KSR2: variants seen among roughly 807,000 people sequenced by gnomAD.
KSR2 encodes kinase suppressor of ras 2.
A neutral mutation model predicts 107.8 loss-of-function variants in KSR2; 25 were observed. That is an observed-to-expected ratio of 0.23 (90% CI 0.17 to 0.32). The LOEUF (loss-of-function observed/expected upper bound fraction) is 0.32, where lower values mean the gene tolerates loss of function less well. KSR2 is among the 10% of genes least tolerant of loss of function. KSR2 has a pLI of 1.00. For synonymous variants in KSR2, 480 were observed against 507.0 expected, an observed-to-expected ratio of 0.95 and a Z score of 0.71; for missense variants, 887 against 1,268.9, an observed-to-expected ratio of 0.70 and a Z score of 4.57.
intron 4 of KSR2, among the ~76,000 whole-genome samples, chr12:117,731,574 G>C (rs901487937): frequency 2.6e-5 from 4 of 152,228 alleles, no homozygotes; most frequent in Non-Finnish European, 5.9e-5. Flanking sequence ...TGATAACGAT[G>C]GCGGTTTTGT....
chr12:117,515,000 C>T (rs1316599084), intron 14 of KSR2, among the ~76,000 whole-genome samples: 1 of 152,148 alleles, frequency 6.6e-6, no homozygotes, highest in East Asian at 1.9e-4. Flanking sequence ...GTCCATCTGC[C>T]TAATTACTTG....
chr12:117,472,756 A>T (rs1221366671), intron 17 of KSR2, among the ~76,000 whole-genome samples: 1 of 152,216 alleles, frequency 6.6e-6, no homozygotes, highest in Non-Finnish European at 1.5e-5. Context: ...GATTATAGTT[A>T]TCATAAGAAA....
intron 14 of KSR2, among the ~76,000 whole-genome samples, chr12:117,506,816 T>C (rs1341363505): frequency 2.6e-5 from 4 of 152,100 alleles, no homozygotes; most frequent in East Asian, 1.9e-4. Flanking sequence ...AGTAGATCAA[T>C]AGATAGATAG....
At chr12:117,932,420 C>G (rs1404136468) in intron 1 of KSR2, among the ~76,000 whole-genome samples, 2 of 151,832 alleles carry the variant, frequency 1.3e-5, no homozygotes, top group African/African-American at 4.8e-5. Flanking sequence ...ACACTACAGT[C>G]AAAAATAAGA....
At chr12:117,467,240 G>A (rs751018917) in intron 19 of KSR2, 35 bp from the exon 20 acceptor site, 1 of 719,676 alleles carries the variant, frequency 1.4e-6, no homozygotes, top group South Asian at 1.5e-5. Context: ...AGTGGTGAGA[G>A]GTCACAAGGA....
At chr12:117,521,773 T>C (rs1874773074) in intron 14 of KSR2, among the ~76,000 whole-genome samples, 1 of 152,232 alleles carries the variant, frequency 6.6e-6, no homozygotes, top group African/African-American at 2.4e-5. Flanking sequence ...ATGGTTCCAG[T>C]TGGTTGGCTA....
intron 5 of KSR2, among the ~76,000 whole-genome samples, chr12:117,621,061 C>G (rs1363438002): frequency 1.3e-5 from 2 of 152,186 alleles, no homozygotes; most frequent in Middle Eastern, 3.4e-3. Context: ...AATCTCATCT[C>G]GAATTGTAAT....
chr12:117,893,017 ATT>A (rs1158068448), intron 1 of KSR2, among the ~76,000 whole-genome samples: 166 of 136,772 alleles, frequency 1.2e-3, no homozygotes, highest in African/African-American at 3.5e-3. Flanking sequence ...ACCCTGTGTA[ATT>A]TTTTTTTTTT....
chr12:117,570,567 C>T (rs1878818284), intron 7 of KSR2, among the ~76,000 whole-genome samples: 1 of 152,170 alleles, frequency 6.6e-6, no homozygotes, highest in South Asian at 2.1e-4. Context: ...TAAAATTTTC[C>T]AGAACTTCGA....
intron 1 of KSR2, among the ~76,000 whole-genome samples, chr12:117,886,255 G>A (rs1054128632): frequency 6.7e-6 from 1 of 149,624 alleles, no homozygotes; most frequent in African/African-American, 2.4e-5. Flanking sequence ...ATATATGTAT[G>A]TTTATATAGC....
At chr12:117,746,669 T>C (rs1293983359) in intron 4 of KSR2, among the ~76,000 whole-genome samples, 3 of 152,108 alleles carry the variant, frequency 2.0e-5, no homozygotes, top group Non-Finnish European at 4.4e-5. Context: ...GAGAACATTT[T>C]TGCAATCTAC....
intron 5 of KSR2, among the ~76,000 whole-genome samples, chr12:117,613,164 T>C (rs980889663): frequency 1.3e-5 from 2 of 152,216 alleles, no homozygotes; most frequent in East Asian, 3.8e-4. Context: ...GGTAACAGTA[T>C]AGGAAATGAC....
At chr12:117,514,569 G>T in intron 14 of KSR2, among the ~76,000 whole-genome samples, 1 of 142,974 alleles carries the variant, frequency 7.0e-6, no homozygotes, top group African/African-American at 2.7e-5. Context: ...TTTTGAGACA[G>T]GGTTTCACTC....
intron 1 of KSR2, among the ~76,000 whole-genome samples, chr12:117,951,189 T>C (rs1896355321): frequency 6.6e-6 from 1 of 152,162 alleles, no homozygotes; most frequent in Admixed American, 6.6e-5. Context: ...ATTACAGGTG[T>C]GAGCCACCGC....
At chr12:117,717,644 T>C (rs1044524523) in intron 4 of KSR2, among the ~76,000 whole-genome samples, 3 of 151,722 alleles carry the variant, frequency 2.0e-5, no homozygotes, top group African/African-American at 4.9e-5. Flanking sequence ...CATCCATCCA[T>C]GTGGCATGTG....
intron 19 of KSR2, among the ~76,000 whole-genome samples, chr12:117,468,844 T>C (rs997520334): frequency 1.3e-5 from 2 of 152,184 alleles, no homozygotes; most frequent in African/African-American, 4.8e-5. Context: ...TGAGTATAGA[T>C]CTGAGTGCAG....
chr12:117,550,100 A>G (rs866536023), intron 9 of KSR2, among the ~76,000 whole-genome samples: 12 of 152,316 alleles, frequency 7.9e-5, no homozygotes, highest in Non-Finnish European at 1.5e-4. Flanking sequence ...CTGAACATAG[A>G]TAAGAGCTGG....
chr12:117,793,985 CAT>C (rs769797502), intron 3 of KSR2, among the ~76,000 whole-genome samples: 38 of 119,882 alleles, frequency 3.2e-4, no homozygotes, highest in Non-Finnish European at 6.1e-4. Flanking sequence ...ACCATGCACA[CAT>C]ACACCAACAT....
At chr12:117,964,751 C>A (rs1463559890) in intron 1 of KSR2, among the ~76,000 whole-genome samples, 1 of 152,080 alleles carries the variant, frequency 6.6e-6, no homozygotes. Context: ...TGCTGTTTTG[C>A]CAAAAACTTA....
Sources: gnomAD v4.1 joint callset for allele counts (sites outside exome capture counted in the v4.1 genomes callset) on GRCh38, gnomAD v4.1.1 for gene constraint, MANE v1.5 for transcripts, NCBI Gene and HGNC (gene_info 2026-07-23, HGNC 2026-07-21) for gene names.